The following ITGA9 variants were observed in gnomAD, a reference collection of about 807,000 sequenced individuals.
ITGA9 encodes integrin subunit alpha 9.
ITGA9 carries 56 observed loss-of-function variants against 127.8 expected under a neutral mutation model. The ratio of observed to expected loss-of-function variants is 0.44; its 90% CI spans 0.35 to 0.55. The LOEUF is 0.55. ITGA9 is among the 20% of genes least tolerant of loss of function. The pLI is 0.00. For missense variants in ITGA9, 1,196 were observed against 1,347.1 expected (o/e 0.89, Z 1.76); for synonymous variants, 508 against 514.5 (o/e 0.99, Z 0.17).
chr3:37,509,857 T>C lies in ITGA9; in HGVS notation c.897+1230T>C, dbSNP rs1043155122. On this transcript the variant is annotated intron_variant, in intron 8 of 27. Transcript: ENST00000264741. ...AGAAATAACTCTGTGCTACTTGTGA[T>C]TTACAAAAGAGAGTTTCAAAGAGCA... 3.3e-4 allele frequency among the ~76,000 whole-genome samples: 50 copies of C among 152,096 alleles called. 1 individual carries two copies. The highest frequency in any genetic ancestry group is 2.6e-4 in the Non-Finnish European group (18 of 68,014).
chr3:37,711,302 C>A (rs1339961614), intron 18 of ITGA9, among the ~76,000 whole-genome samples: 1 of 152,196 alleles, frequency 6.6e-6, no homozygotes, highest in Admixed American at 6.5e-5. Flanking sequence ...TCAAGTGTTC[C>A]ACCATGTAGT....
At chr3:37,780,758 T>C (rs1213078845) in intron 25 of ITGA9, among the ~76,000 whole-genome samples, 1 of 152,234 alleles carries the variant, frequency 6.6e-6, no homozygotes, top group Non-Finnish European at 1.5e-5. Flanking sequence ...CGATACTGCT[T>C]TTTTGATTGT....
At position 37,650,572 on chromosome 3, in the gene ITGA9, C is replaced by T. The variant is rs540792568; in HGVS notation, c.1840-3142C>T. On this transcript the variant is annotated intron_variant, in intron 16 of 27. Transcript: ENST00000264741. Reference sequence around the variant, plus strand: ...TCAGCCTCCCAAGTAGCTGGGATTACAGGCACCCACCACCACACCCGGCTA... The same window carrying T: ...TCAGCCTCCCAAGTAGCTGGGATTATAGGCACCCACCACCACACCCGGCTA... Among the ~76,000 whole-genome samples, 344 of 152,234 alleles carry T rather than the reference C, an allele frequency of 2.3e-3. 3 individuals are homozygous for T. The highest frequency in any genetic ancestry group is 7.7e-3 in the African/African-American group (321 of 41,540).
chr3:37,501,676 A>AT (rs1267692582), intron 5 of ITGA9, among the ~76,000 whole-genome samples: 1 of 151,966 alleles, frequency 6.6e-6, no homozygotes. Context: ...GAATGGAGTC[A>AT]TTTTTTTCTC....
At chr3:37,758,183 C>T (rs1008604183) in intron 23 of ITGA9, among the ~76,000 whole-genome samples, 3 of 149,142 alleles carry the variant, frequency 2.0e-5, no homozygotes, top group South Asian at 4.3e-4. Flanking sequence ...ATTAGCCGGG[C>T]GCGGTGGCGG....
At chr3:37,517,739 GC>G in intron 10 of ITGA9, 130 bp downstream of exon 10, 1 of 728,546 alleles carries the variant, frequency 1.4e-6, no homozygotes, top group African/African-American at 1.7e-5. Flanking sequence ...CCCTTCGAAG[GC>G]CCATCAATGT....
chr3:37,562,679 T>G (rs1699505733), intron 15 of ITGA9, among the ~76,000 whole-genome samples: 1 of 152,180 alleles, frequency 6.6e-6, no homozygotes, highest in African/African-American at 2.4e-5. Flanking sequence ...TTTTGGCAGT[T>G]ATATATTGGT....
chr3:37,481,622 A>G lies in ITGA9; in HGVS notation c.544+15A>G, dbSNP rs1559517087. Reference sequence around the variant, plus strand: ...TTGCTATGAAGGTGAGCATGGATTGATTTTTCCTCATCCCCCTACCCACCT... The same window carrying G: ...TTGCTATGAAGGTGAGCATGGATTGGTTTTTCCTCATCCCCCTACCCACCT... On this transcript the variant is annotated intron_variant, in intron 4 of 27. Transcript: ENST00000264741. The G allele has an allele frequency of 6.2e-7, 1 of 1,613,942 alleles. No individual in the cohort carries two copies. Among genetic ancestry groups the G allele is most frequent in the African/African-American group, 1.3e-5 (1 of 74,978 alleles).
Position 37,614,872 on chromosome 3 carries a change from T to C in ITGA9, c.1690-14315T>C, listed in dbSNP as rs536372994. Among the ~76,000 whole-genome samples, 103 of 152,294 alleles carry C rather than the reference T, an allele frequency of 6.8e-4. 1 individual carries two copies. The highest frequency in any genetic ancestry group is 2.4e-3 in the African/African-American group (101 of 41,558). ...AGCTTAAGGAGATTTTGGGCTGAGA[T>C]GATGGAGTTTTCTAGATATACAATC... On this transcript the variant is annotated intron_variant, in intron 15 of 27. Coordinates refer to ENST00000264741, the MANE Select transcript of ITGA9 (RefSeq NM_002207.3).
At chr3:37,750,619 A>G (rs773985970) in intron 23 of ITGA9, 50 bp downstream of exon 23, 1 of 1,361,274 alleles carries the variant, frequency 7.3e-7, no homozygotes, top group East Asian at 2.3e-5. Context: ...GAGCCAGCCC[A>G]TTCAAATTTT....
At position 37,820,910 on chromosome 3, in the gene ITGA9, C is replaced by T. The variant is rs1575255202; in HGVS notation, c.*1921C>T. The T allele has an allele frequency of 6.6e-6, 1 of 152,318 alleles. No homozygotes were observed. The highest frequency in any genetic ancestry group is 1.9e-4 in the East Asian group (1 of 5,188). The allele number at this position is 152,318 out of a possible 1,614,324, so 9.4% of individuals were successfully genotyped here. A position where few individuals can be genotyped will look rare whatever the true frequency, so the allele number is the denominator to read the frequency against. On this transcript the variant is annotated 3_prime_UTR_variant, in exon 28 of 28. Transcript: ENST00000264741. Reference sequence around the variant, plus strand: ...TGAACATTGTCAAAAAGACATCAAACTCAACTTCTGGGAAGACAGATTTTT... The same window carrying T: ...TGAACATTGTCAAAAAGACATCAAATTCAACTTCTGGGAAGACAGATTTTT...
chr3:37,809,375 C>T (rs376877619), intron 27 of ITGA9, among the ~76,000 whole-genome samples: 4 of 152,068 alleles, frequency 2.6e-5, no homozygotes, highest in African/African-American at 4.8e-5. Flanking sequence ...TGTGAGCCAC[C>T]GTGTCTTTTC....
Position 37,452,610 on chromosome 3 carries a change from G to A in ITGA9, c.185+51G>A. On this transcript the variant is annotated intron_variant, in intron 1 of 27. Coordinates refer to ENST00000264741, the MANE Select transcript of ITGA9 (RefSeq NM_002207.3). The surrounding 1 kb of genome is among the most constrained non-coding windows in gnomAD (Gnocchi z 7.3). ...CCTGGCCCGCGCGGCCACCGCCCCG[G>A]CCCCCAGGCCAGCGCCGCCGCCGCC... 1 of 1,431,964 alleles carries A rather than the reference G, an allele frequency of 7.0e-7. No homozygotes were observed. Among genetic ancestry groups the A allele is most frequent in the Non-Finnish European group, 9.2e-7 (1 of 1,082,580 alleles). 88.7% of individuals were successfully genotyped at this position (1,431,964 alleles called of 1,614,324 possible).
chr3:37,683,251 G>A (rs1700750339), intron 17 of ITGA9, among the ~76,000 whole-genome samples: 1 of 152,132 alleles, frequency 6.6e-6, no homozygotes, highest in Non-Finnish European at 1.5e-5. Context: ...CCCACATACC[G>A]TGTTTCTTGC....
intron 1 of ITGA9, among the ~76,000 whole-genome samples, chr3:37,470,263 G>A (rs1698415217): frequency 6.6e-6 from 1 of 151,676 alleles, no homozygotes; most frequent in Admixed American, 6.6e-5. Flanking sequence ...CAAAGGGTAG[G>A]TGCATGTTCA....
chr3:37,589,462 A>G (rs1699792367), intron 15 of ITGA9, among the ~76,000 whole-genome samples: 2 of 152,236 alleles, frequency 1.3e-5, no homozygotes, highest in Admixed American at 6.5e-5. Flanking sequence ...ACATGGAGAT[A>G]TAGAACATAT....
intron 15 of ITGA9, among the ~76,000 whole-genome samples, chr3:37,600,983 A>G (rs756874768): frequency 1.3e-5 from 2 of 152,248 alleles, no homozygotes; most frequent in Non-Finnish European, 2.9e-5. Context: ...AGTAAATGGC[A>G]TAAAGACATT....
intron 17 of ITGA9, among the ~76,000 whole-genome samples, chr3:37,674,294 A>G (rs1169775722): frequency 6.6e-6 from 1 of 152,248 alleles, no homozygotes. Flanking sequence ...CTCCCAGCCC[A>G]CAGAGGTGAG....
At chr3:37,528,142 C>T (rs1699113343) in intron 13 of ITGA9, among the ~76,000 whole-genome samples, 1 of 152,194 alleles carries the variant, frequency 6.6e-6, no homozygotes, top group Non-Finnish European at 1.5e-5. Flanking sequence ...ATAGACTCTG[C>T]TTTCTCATCA....
Sources: gnomAD v4.1 joint callset for allele counts (sites outside exome capture counted in the v4.1 genomes callset) on GRCh38, gnomAD v4.1.1 for gene constraint, Gnocchi (gnomAD v3.1) non-coding constraint, MANE v1.5 for transcripts, NCBI Gene and HGNC (gene_info 2026-07-23, HGNC 2026-07-21) for gene names.